Variants in MBNL1 observed in about 807,000 individuals in gnomAD.
MBNL1 encodes the protein muscleblind-like protein 1.
Under a neutral mutation model 42.2 loss-of-function variants are expected in MBNL1, and 8 were observed. The observed-to-expected ratio is 0.19, with a 90% CI of 0.11 to 0.34. The LOEUF is 0.34. MBNL1 is among the 10% of genes least tolerant of loss of function. The pLI is 1.00. For missense variants in MBNL1, 309 were observed against 495.3 expected, an observed-to-expected ratio of 0.62 and a Z score of 3.57; for synonymous variants, 169 against 173.9, an observed-to-expected ratio of 0.97 and a Z score of 0.22.
intron 2 of MBNL1, among the ~76,000 whole-genome samples, chr3:152,373,703 C>G (rs1288149064): frequency 1.3e-5 from 2 of 152,116 alleles, no homozygotes; most frequent in Non-Finnish European, 1.5e-5. Context: ...CAGAAATCAC[C>G]CACTTTCTGC....
At chr3:152,296,522 A>G (rs528684560) in intron 1 of MBNL1, among the ~76,000 whole-genome samples, 21 of 152,318 alleles carry the variant, frequency 1.4e-4, no homozygotes, top group African/African-American at 4.6e-4. Context: ...ATTATCCACT[A>G]TTGCTAATGA....
At chr3:152,292,977 C>G (rs2056827330) in intron 1 of MBNL1, among the ~76,000 whole-genome samples, 1 of 152,080 alleles carries the variant, frequency 6.6e-6, no homozygotes, top group Admixed American at 6.5e-5. Flanking sequence ...CTATGTTGTT[C>G]AGGCTGGTCT....
chr3:152,295,137 T>C lies in MBNL1; in HGVS notation c.-789-4268T>C, dbSNP rs146430433. On this transcript the variant is annotated intron_variant, in intron 1 of 9. Coordinates refer to ENST00000324210, the MANE Select transcript of MBNL1 (RefSeq NM_021038.5). ...ATACTTTGATTATCATCCTTGTCTA[T>C]GTCCTTTACAATTAAATGGTACAAA... Among the ~76,000 whole-genome samples the C allele has an allele frequency of 9.5e-4, 145 of 152,370 alleles. 6 individuals carry two copies. In the East Asian group the frequency reaches 0.021, roughly 22 times the overall value.
At chr3:152,309,863 G>C (rs1474263516) in intron 2 of MBNL1, among the ~76,000 whole-genome samples, 2 of 152,186 alleles carry the variant, frequency 1.3e-5, no homozygotes, top group African/African-American at 2.4e-5. Context: ...TTTGGGTGTT[G>C]ATAGACTAGT....
intron 6 of MBNL1, among the ~76,000 whole-genome samples, chr3:152,450,155 A>G (rs1719554305): frequency 6.6e-6 from 1 of 151,644 alleles, no homozygotes; most frequent in East Asian, 1.9e-4. Context: ...ATATACACAC[A>G]CACACACATA....
At chr3:152,349,511 TA>T (rs1188771957) in intron 2 of MBNL1, among the ~76,000 whole-genome samples, 1 of 152,152 alleles carries the variant, frequency 6.6e-6, no homozygotes, top group African/African-American at 2.4e-5. Context: ...TGCTAGTGTA[TA>T]ATTTTTCTGA....
chr3:152,250,551 C>G (rs1204713823), intron 2 of MBNL1, among the ~76,000 whole-genome samples: 1 of 152,106 alleles, frequency 6.6e-6, no homozygotes, highest in African/African-American at 2.4e-5. Flanking sequence ...GATATACAAT[C>G]AAGTCGTCTG....
chr3:152,457,747 A>G (rs1461038760), intron 8 of MBNL1: 4 of 184,644 alleles, frequency 2.2e-5, no homozygotes, highest in East Asian at 2.6e-4. Flanking sequence ...GTGCAAATCA[A>G]TGATAAAGAA....
chr3:152,354,762 T>C (rs938590085), intron 2 of MBNL1, among the ~76,000 whole-genome samples: 1 of 152,192 alleles, frequency 6.6e-6, no homozygotes, highest in Non-Finnish European at 1.5e-5. Flanking sequence ...TAGAATTATG[T>C]ATTTTCAGAG....
At chr3:152,437,337 A>G (rs1324216532) in intron 4 of MBNL1, among the ~76,000 whole-genome samples, 1 of 152,204 alleles carries the variant, frequency 6.6e-6, no homozygotes, top group Non-Finnish European at 1.5e-5. Flanking sequence ...GTTCTTACAT[A>G]ATTGCTTAAA....
rs1377914961 is a variant in MBNL1, at chr3:152,343,215, T to C, written c.174+42848T>C. 3.3e-5 allele frequency among the ~76,000 whole-genome samples: 5 copies of C among 152,146 alleles called. No homozygotes were observed. The East Asian group carries it at 9.6e-4, about 29-fold the overall frequency. On this transcript the variant is annotated intron_variant, in intron 2 of 9. Coordinates refer to ENST00000324210, the MANE Select transcript of MBNL1 (RefSeq NM_021038.5). ...TGACTAGCATTGGAAAACCAGATGG[T>C]GGAAATAACCCCTGTTAAGCAGATG...
rs141432755 is a variant in MBNL1 at position 152,297,413 on chromosome 3, G to A, written c.-789-1992G>A. ...GCCTGGAGTGCAGTGGCGCAATCTC[G>A]GCTCACTGCAACATTCACCTCCCAG... is the stretch of plus-strand genomic sequence containing the variant. On this transcript the variant is annotated intron_variant, in intron 1 of 9. Transcript: ENST00000324210. 4.5e-3 allele frequency among the ~76,000 whole-genome samples: 649 copies of A among 144,504 alleles called. 5 individuals carry two copies. Among genetic ancestry groups the A allele is most frequent in the African/African-American group, 0.016 (624 of 38,738 alleles). 94.8% of individuals were successfully genotyped at this position (144,504 alleles called of 152,430 possible).
intron 2 of MBNL1, among the ~76,000 whole-genome samples, chr3:152,400,710 A>T (rs2098178241): frequency 2.0e-5 from 3 of 152,234 alleles, no homozygotes. Flanking sequence ...AACAAAGGAC[A>T]GTAGCTTTTT....
intron 6 of MBNL1, chr3:152,449,295 A>G (rs1415623991): frequency 6.6e-6 from 1 of 152,230 alleles, no homozygotes; most frequent in African/African-American, 2.4e-5. Flanking sequence ...GTAGTGAGTT[A>G]TCTCAATAGA....
chr3:152,325,964 G>GC (rs1183217640), intron 2 of MBNL1, among the ~76,000 whole-genome samples: 2 of 151,968 alleles, frequency 1.3e-5, no homozygotes, highest in African/African-American at 4.8e-5. Context: ...CCAACATTTT[G>GC]CCCTTTTTGT....
intron 2 of MBNL1, among the ~76,000 whole-genome samples, chr3:152,326,095 C>T (rs2079865906): frequency 6.6e-6 from 1 of 152,070 alleles, no homozygotes; most frequent in Admixed American, 6.6e-5. Flanking sequence ...AAATATAACT[C>T]CATTTCCAAA....
intron 1 of MBNL1, among the ~76,000 whole-genome samples, chr3:152,285,626 T>C (rs201151304): frequency 1.4e-5 from 2 of 141,062 alleles, no homozygotes; most frequent in Non-Finnish European, 3.1e-5. Flanking sequence ...TTTTTTTTTT[T>C]CAATTTTTTT....
intron 4 of MBNL1, among the ~76,000 whole-genome samples, chr3:152,438,275 C>A (rs1208426399): frequency 6.6e-6 from 1 of 152,102 alleles, no homozygotes; most frequent in Non-Finnish European, 1.5e-5. Context: ...TAATTCCTGT[C>A]TTATCAATGA....
At chr3:152,330,762 A>G (rs531899741) in intron 2 of MBNL1, among the ~76,000 whole-genome samples, 2 of 152,296 alleles carry the variant, frequency 1.3e-5, no homozygotes, top group Admixed American at 1.3e-4. Context: ...GTTCTGTTTT[A>G]TTATAGTTAT....
Sources: gnomAD v4.1 joint callset for allele counts (sites outside exome capture counted in the v4.1 genomes callset) on GRCh38, gnomAD v4.1.1 for gene constraint, MANE v1.5 for transcripts, NCBI Gene and HGNC (gene_info 2026-07-23, HGNC 2026-07-21) for gene names.